The following DGKB variants were observed in gnomAD, a reference collection of about 807,000 sequenced individuals.
The protein encoded by DGKB is diacylglycerol kinase beta.
In DGKB, 67 loss-of-function variants were observed where a neutral mutation model predicts 114.3. That is an observed-to-expected ratio of 0.59 (90% confidence interval 0.48 to 0.72). DGKB has a LOEUF of 0.72. Ranked by LOEUF, DGKB falls within the 30% of genes least tolerant of loss-of-function variation. DGKB has a pLI of 0.00. For synonymous variants in DGKB, 398 were observed against 323.1 expected (o/e 1.23, Z -2.49); for missense variants, 907 against 975.2 (o/e 0.93, Z 0.93).
intron 1 of DGKB, among the ~76,000 whole-genome samples, chr7:14,891,758 A>C (rs959197605): frequency 5.3e-5 from 8 of 151,546 alleles, no homozygotes; most frequent in East Asian, 1.9e-4. Flanking sequence ...CAAAATACTT[A>C]TCTCTCTTTT....
intron 13 of DGKB, among the ~76,000 whole-genome samples, chr7:14,660,605 CT>C (rs1322214996): frequency 1.3e-5 from 2 of 151,954 alleles, no homozygotes; most frequent in Non-Finnish European, 2.9e-5. Context: ...TGATTCTTCT[CT>C]CTTTTTTTCT....
At chr7:14,651,199 G>T (rs1282352406) in intron 13 of DGKB, among the ~76,000 whole-genome samples, 3 of 152,132 alleles carry the variant, frequency 2.0e-5, no homozygotes, top group East Asian at 3.9e-4. Context: ...AACAAAAAAA[G>T]AGAATTTTAG....
At chr7:14,836,091 T>C (rs961778312) in intron 2 of DGKB, among the ~76,000 whole-genome samples, 14 of 152,176 alleles carry the variant, frequency 9.2e-5, no homozygotes, top group Non-Finnish European at 1.8e-4. Context: ...TATGTTACAT[T>C]ACGAAGGCCA....
chr7:14,636,084 G>A (rs1340124826), intron 13 of DGKB, among the ~76,000 whole-genome samples: 1 of 151,628 alleles, frequency 6.6e-6, no homozygotes, highest in Admixed American at 6.6e-5. Flanking sequence ...AATATCCATT[G>A]ATCTCATGCC....
chr7:14,816,961 G>A (rs1844244923), intron 2 of DGKB, among the ~76,000 whole-genome samples: 1 of 152,116 alleles, frequency 6.6e-6, no homozygotes, highest in Admixed American at 6.5e-5. Flanking sequence ...TTTTCTGTAT[G>A]TAAGATGTTT....
At chr7:14,705,116 G>T (rs548147562) in intron 6 of DGKB, among the ~76,000 whole-genome samples, 3,519 of 150,998 alleles carry the variant, frequency 0.023, 132 homozygotes, top group African/African-American at 0.081. Flanking sequence ...ATACAGAGAA[G>T]TGCTTAAAGG....
intron 15 of DGKB, among the ~76,000 whole-genome samples, chr7:14,616,682 T>C (rs572335573): frequency 9.2e-5 from 14 of 151,878 alleles, no homozygotes; most frequent in East Asian, 1.9e-4. Flanking sequence ...GACTTCCTAG[T>C]TGATTTGTTT....
At chr7:14,537,152 A>G (rs922127257) in intron 20 of DGKB, among the ~76,000 whole-genome samples, 10 of 152,294 alleles carry the variant, frequency 6.6e-5, no homozygotes, top group African/African-American at 1.9e-4. Flanking sequence ...TAAAACCCTC[A>G]TAAAAGAAAT....
rs146804723 is a variant in DGKB, at chr7:14,212,440, A to ATGTTTTGTGATATTTACTCTCG, written c.2123-34290_2123-34289insCGAGAGTAAATATCACAAAACA. Among the ~76,000 whole-genome samples, 14 of 107,220 alleles carry ATGTTTTGTGATATTTACTCTCG rather than the reference A, an allele frequency of 1.3e-4. 2 individuals carry two copies. The highest frequency in any genetic ancestry group is 3.9e-4 in the African/African-American group (12 of 31,140). 70.3% of individuals were successfully genotyped at this position (107,220 alleles called of 152,430 possible). A position where few individuals can be genotyped will look rare whatever the true frequency, so the allele number is the denominator to read the frequency against. ...CTCGTGTTTTGTGATATTTACTCTC[A>ATGTTTTGTGATATTTACTCTCG]TGTTTTGTGTTCCTCTACATCTCTG... On this transcript the variant is annotated intron_variant, in intron 23 of 25. Coordinates refer to ENST00000402815, the MANE Select transcript of DGKB (RefSeq NM_001350709.2).
chr7:14,184,459 G>T (rs978349525), intron 23 of DGKB, among the ~76,000 whole-genome samples: 1 of 152,090 alleles, frequency 6.6e-6, no homozygotes, highest in Non-Finnish European at 1.5e-5. Context: ...AGTTAGAACG[G>T]GCCTTCAGTT....
chr7:14,208,120 T>C (rs902848296), intron 23 of DGKB, among the ~76,000 whole-genome samples: 2 of 152,048 alleles, frequency 1.3e-5, no homozygotes, highest in East Asian at 3.9e-4. Flanking sequence ...AAGTATTTAA[T>C]CTGTATAAGC....
At chr7:14,577,481 G>C (rs977495342) in intron 19 of DGKB, among the ~76,000 whole-genome samples, 2 of 152,102 alleles carry the variant, frequency 1.3e-5, no homozygotes, top group African/African-American at 2.4e-5. Context: ...GCCTGGCAAG[G>C]TGGCGGGCGC....
intron 1 of DGKB, among the ~76,000 whole-genome samples, chr7:14,942,049 T>C (rs1379585380): frequency 6.6e-6 from 1 of 152,068 alleles, no homozygotes; most frequent in Non-Finnish European, 1.5e-5. Flanking sequence ...ATGGCAGATT[T>C]ATTGTTTGTC....
At chr7:14,455,026 T>A (rs1832070424) in intron 21 of DGKB, among the ~76,000 whole-genome samples, 1 of 152,084 alleles carries the variant, frequency 6.6e-6, no homozygotes, top group African/African-American at 2.4e-5. Context: ...CTTTTTCATA[T>A]GACATCAGAA....
At chr7:14,719,851 T>C (rs1410262222) in intron 5 of DGKB, among the ~76,000 whole-genome samples, 2 of 152,164 alleles carry the variant, frequency 1.3e-5, no homozygotes, top group African/African-American at 4.8e-5. Flanking sequence ...GCTGAAATCA[T>C]GGTAGTAGCT....
chr7:14,570,484 T>G (rs1215665505), intron 20 of DGKB, among the ~76,000 whole-genome samples: 2 of 152,092 alleles, frequency 1.3e-5, no homozygotes, highest in African/African-American at 2.4e-5. Flanking sequence ...ACCCAGAAAC[T>G]TAACAACTAA....
At chr7:14,315,201 A>G (rs1806240143) in intron 23 of DGKB, among the ~76,000 whole-genome samples, 1 of 145,528 alleles carries the variant, frequency 6.9e-6, no homozygotes, top group Admixed American at 7.0e-5. Context: ...AAGACCGTCG[A>G]GACTAGGAAG....
intron 13 of DGKB, among the ~76,000 whole-genome samples, chr7:14,664,457 T>C (rs534678940): frequency 5.8e-4 from 88 of 152,114 alleles, no homozygotes; most frequent in Non-Finnish European, 6.6e-4. Context: ...AAGCTCATAT[T>C]TATATTGGAT....
At chr7:14,548,055 T>C (rs1219743344) in intron 20 of DGKB, among the ~76,000 whole-genome samples, 1 of 152,240 alleles carries the variant, frequency 6.6e-6, no homozygotes, top group Non-Finnish European at 1.5e-5. Context: ...AAGTATTATT[T>C]AAATTATGAT....
Sources: gnomAD v4.1 joint callset for allele counts (sites outside exome capture counted in the v4.1 genomes callset) on GRCh38, gnomAD v4.1.1 for gene constraint, MANE v1.5 for transcripts, NCBI Gene and HGNC (gene_info 2026-07-23, HGNC 2026-07-21) for gene names.